MACF1: variants seen among roughly 807,000 people sequenced by gnomAD.
The protein encoded by MACF1 is microtubule-actin cross-linking factor 1.
In MACF1, 193 loss-of-function variants were observed where a neutral mutation model predicts 854.8. The ratio of observed to expected loss-of-function variants is 0.23; its 90% CI spans 0.20 to 0.25. MACF1 has a LOEUF of 0.25. MACF1 is among the 10% of genes least tolerant of loss of function. The pLI is 1.00. For missense variants in MACF1, 7,722 were observed against 8,929.1 expected, an observed-to-expected ratio of 0.86 and a Z score of 5.45; for synonymous variants, 3,185 against 3,226.7, an observed-to-expected ratio of 0.99 and a Z score of 0.44.
In MACF1 at chr1:39,486,254, G is replaced by A. The variant is rs952665119; in HGVS notation, c.*460G>A. The A allele has an allele frequency of 1.3e-5, 2 of 152,490 alleles. No individual in the cohort carries two copies. The highest frequency in any genetic ancestry group is 1.9e-4 in the East Asian group (1 of 5,186). The allele number at this position is 152,490 out of a possible 1,614,324, so 9.4% of individuals were successfully genotyped here. On this transcript the variant is annotated 3_prime_UTR_variant, in exon 101 of 101. Coordinates refer to ENST00000564288, the MANE Select transcript of MACF1 (RefSeq NM_001394062.1). ...AAGGAACTCTTTTTTTGTAAATCACGGACACCTCAATTAGCAAGAACTGAG... is the reference window on the plus strand; with the variant it reads ...AAGGAACTCTTTTTTTGTAAATCACAGACACCTCAATTAGCAAGAACTGAG...
chr1:39,435,305 A>G (rs1456476957), intron 69 of MACF1, among the ~76,000 whole-genome samples: 1 of 152,200 alleles, frequency 6.6e-6, no homozygotes, highest in East Asian at 1.9e-4. Flanking sequence ...GGAAGAGAAG[A>G]GAGGATGTTT....
At chr1:39,356,288 AATT>A (rs1647559857) in intron 44 of MACF1, among the ~76,000 whole-genome samples, 1 of 152,216 alleles carries the variant, frequency 6.6e-6, no homozygotes, top group South Asian at 2.1e-4. Context: ...TTTAATCTCT[AATT>A]ATTGAATTAA....
At chr1:39,410,173 C>T in intron 58 of MACF1, 2 of 974,668 alleles carry the variant, frequency 2.1e-6, no homozygotes, top group Non-Finnish European at 3.0e-6. Flanking sequence ...GTATGAACAG[C>T]TAAAAGGATT....
intron 97 of MACF1, among the ~76,000 whole-genome samples, chr1:39,473,463 G>A (rs896524647): frequency 6.6e-6 from 1 of 152,126 alleles, no homozygotes; most frequent in African/African-American, 2.4e-5. Context: ...AGTAGGTGTT[G>A]GCAGTCACAA....
chr1:39,329,272 G>A (rs1646673935), intron 36 of MACF1, among the ~76,000 whole-genome samples: 1 of 152,280 alleles, frequency 6.6e-6, no homozygotes, highest in Non-Finnish European at 1.5e-5. Context: ...ATGGAGATGA[G>A]AACCAAATAT....
intron 2 of MACF1, among the ~76,000 whole-genome samples, chr1:39,110,798 C>T (rs1050438885): frequency 1.3e-5 from 2 of 152,182 alleles, no homozygotes; most frequent in African/African-American, 4.8e-5. Flanking sequence ...TAATACAAAC[C>T]AGGGAAATGC....
intron 2 of MACF1, among the ~76,000 whole-genome samples, chr1:39,149,852 C>A (rs1461570215): frequency 6.6e-6 from 1 of 152,122 alleles, no homozygotes; most frequent in African/African-American, 2.4e-5. Flanking sequence ...GCCTCAAAGC[C>A]CTGTAGGAAG....
rs749774177 is a variant in MACF1 at position 39,452,801 on chromosome 1, G to A, written c.20731G>A (p.Asp6911Asn). Residue 6911 changes from aspartate (D) to asparagine (N), a missense_variant, in exon 87 of 101, where the codon GAC becomes AAC. Physicochemically the swap from Asp to Asn is conservative, Grantham distance 23 (BLOSUM62 1). Coordinates refer to ENST00000564288, the MANE Select transcript of MACF1 (RefSeq NM_001394062.1). The stretch of plus-strand genomic sequence containing the variant: ...CACAGAGGCCCTGCAGTCTCTCATT[G>A]ACACCCATAAGGTAATCCAGCCTTG... ...DDTEALQSLIDTHKEFMKKVE... is the reference protein window; with the variant it reads ...DDTEALQSLINTHKEFMKKVE... The A allele has an allele frequency of 3.3e-5, 54 of 1,614,022 alleles. No individual in the cohort carries two copies. Among genetic ancestry groups the A allele is most frequent in the Non-Finnish European group, 4.6e-5 (54 of 1,179,972 alleles).
intron 2 of MACF1, among the ~76,000 whole-genome samples, chr1:39,085,431 G>A (rs115974824): frequency 0.025 from 3,866 of 152,184 alleles, 157 homozygotes; most frequent in African/African-American, 0.087. Flanking sequence ...CTTTCAAGCC[G>A]TCACCAAGGC....
Position 39,448,646 on chromosome 1 carries a change from G to C in MACF1, c.20141G>C (p.Arg6714Thr), listed in dbSNP as rs1644275170. Reference protein sequence around the residue: ...GKQPVYDTTIRTGRALKEKTL... With the variant: ...GKQPVYDTTITTGRALKEKTL... Reference sequence around the variant, plus strand: ...CAGCCTGTGTATGATACCACAATTAGAACTGGCAGAGCACTGAAAGAAAAG... The same window carrying C: ...CAGCCTGTGTATGATACCACAATTACAACTGGCAGAGCACTGAAAGAAAAG... The change falls in exon 84 of 101, where the codon AGA becomes ACA. Residue 6714 changes from arginine (R) to threonine (T), a missense_variant. Coordinates refer to ENST00000564288, the MANE Select transcript of MACF1 (RefSeq NM_001394062.1). 1 of 1,612,484 alleles carries C rather than the reference G, an allele frequency of 6.2e-7. No individual in the cohort carries two copies. The highest frequency in any genetic ancestry group is 2.2e-5 in the East Asian group (1 of 44,866).
intron 2 of MACF1, among the ~76,000 whole-genome samples, chr1:39,119,872 CTTTTTTTTT>C (rs571383832): frequency 1.5e-4 from 10 of 65,554 alleles, no homozygotes; most frequent in African/African-American, 5.7e-4. Flanking sequence ...AATAAAGCCT[CTTTTTTTTT>C]TTTTTTTTTT....
In MACF1 at chr1:39,452,808, A is replaced by G. The variant is rs1034923077; in HGVS notation, c.20738A>G (p.His6913Arg). The G allele has an allele frequency of 1.9e-6, 3 of 1,613,872 alleles. No individual in the cohort carries two copies. The highest frequency in any genetic ancestry group is 2.2e-5 in the East Asian group (1 of 44,886). ...TEALQSLIDT[H>R]KEFMKKVEEK... ...GCCCTGCAGTCTCTCATTGACACCC[A>G]TAAGGTAATCCAGCCTTGGGGTTTG... is the stretch of plus-strand genomic sequence containing the variant. The change falls in exon 87 of 101, where the codon CAT becomes CGT. Residue 6913 changes from histidine to arginine, a missense_variant. This residue lies in a region of MACF1 where 729 missense variants were observed against 900.5 expected (regional missense o/e 0.81). Coordinates refer to ENST00000564288, the MANE Select transcript of MACF1 (RefSeq NM_001394062.1).
At chr1:39,194,429 C>T (rs1488181972) in intron 2 of MACF1, among the ~76,000 whole-genome samples, 1 of 147,600 alleles carries the variant, frequency 6.8e-6, no homozygotes, top group African/African-American at 2.5e-5. Flanking sequence ...TCTCAGCTCA[C>T]TGCAGCCTCC....
At chr1:39,185,241 G>A (rs937223553) in intron 2 of MACF1, among the ~76,000 whole-genome samples, 1 of 148,870 alleles carries the variant, frequency 6.7e-6, no homozygotes, top group African/African-American at 2.5e-5. Flanking sequence ...GCAGTGAGCC[G>A]ACATGGCACC....
At position 39,334,926 on chromosome 1, in the gene MACF1, G is replaced by A; in HGVS notation, c.8338G>A (p.Glu2780Lys). 1 of 1,614,158 alleles carries A rather than the reference G, an allele frequency of 6.2e-7. No homozygotes were observed. Among genetic ancestry groups the A allele is most frequent in the Non-Finnish European group, 8.5e-7 (1 of 1,180,012 alleles). Residue 2780 changes from glutamate (E) to lysine (K), a missense_variant, in exon 37 of 101, where the codon GAA (glutamate) becomes AAA (lysine). Glu to Lys is a moderately conservative substitution (Grantham distance 56). Transcript: ENST00000564288. ...TCAGATTGAAAAGCAAGAAGGGATT[G>A]AAGTGTGTGCATTACAAAATGAATT... ...RAQIEKQEGI[E>K]VCALQNEFLG...
intron 2 of MACF1, among the ~76,000 whole-genome samples, chr1:39,183,291 G>A (rs1262030108): frequency 2.0e-5 from 3 of 152,192 alleles, no homozygotes; most frequent in Non-Finnish European, 4.4e-5. Context: ...GAACAACTCT[G>A]TGAACATACT....
intron 2 of MACF1, among the ~76,000 whole-genome samples, chr1:39,117,914 C>T (rs968605267): frequency 6.6e-6 from 1 of 152,226 alleles, no homozygotes; most frequent in East Asian, 1.9e-4. Flanking sequence ...AGAGGATTAA[C>T]AGAGACCAGA....
At chr1:39,430,429 C>G (rs1454576551) in intron 65 of MACF1, among the ~76,000 whole-genome samples, 1 of 151,886 alleles carries the variant, frequency 6.6e-6, no homozygotes, top group Non-Finnish European at 1.5e-5. Flanking sequence ...TTTATCATTT[C>G]TGTTGAAGTA....
At chr1:39,452,396 G>A (rs773845811) in intron 86 of MACF1, 46 bp downstream of exon 86, 1 of 1,542,260 alleles carries the variant, frequency 6.5e-7, no homozygotes, top group Non-Finnish European at 8.8e-7. Flanking sequence ...ATCTGAGTGG[G>A]TTTATTTGGT....
Sources: gnomAD v4.1 joint callset for allele counts (sites outside exome capture counted in the v4.1 genomes callset) on GRCh38, gnomAD v4.1.1 for gene constraint, gnomAD v4.1.1 regional missense constraint, MANE v1.5 for transcripts, NCBI Gene and HGNC (gene_info 2026-07-23, HGNC 2026-07-21) for gene names.